AFAP1L2: variants seen among roughly 807,000 people sequenced by gnomAD.
AFAP1L2 encodes actin filament-associated protein 1-like 2.
Under a neutral mutation model 99.3 loss-of-function variants are expected in AFAP1L2, and 46 were observed. The observed-to-expected ratio is 0.46, with a 90% confidence interval of 0.37 to 0.59. The LOEUF (loss-of-function observed/expected upper bound fraction) is 0.59, where lower values mean the gene tolerates loss of function less well. Ranked by LOEUF, AFAP1L2 falls within the 20% of genes least tolerant of loss-of-function variation. The probability of loss-of-function intolerance (pLI) is 0.00; values close to 1 mark genes in which losing one functional copy is unlikely to be tolerated. For missense variants in AFAP1L2, 959 were observed against 1,034.9 expected (o/e 0.93, Z 1.01); for synonymous variants, 397 against 419.1 (o/e 0.95, Z 0.64).
intron 4 of AFAP1L2, among the ~76,000 whole-genome samples, chr10:114,327,800 A>G (rs1471156025): frequency 6.6e-6 from 1 of 152,256 alleles, no homozygotes; most frequent in Non-Finnish European, 1.5e-5. Flanking sequence ...GGCTTAGACT[A>G]GACACAAGAG....
intron 12 of AFAP1L2, 85 bp from the exon 13 acceptor site, chr10:114,301,550 T>C (rs2041196704): frequency 9.8e-7 from 1 of 1,015,454 alleles, no homozygotes; most frequent in African/African-American, 1.6e-5. Flanking sequence ...CAGTGAGGAG[T>C]GGTTGCCGTG....
intron 1 of AFAP1L2, among the ~76,000 whole-genome samples, chr10:114,350,325 C>G (rs2050270615): frequency 6.6e-6 from 1 of 152,214 alleles, no homozygotes; most frequent in Non-Finnish European, 1.5e-5. Context: ...ATTCAGCCGT[C>G]TTTATTGTTC....
intron 14 of AFAP1L2, 22 bp downstream of exon 14, chr10:114,300,423 G>C (rs781023147): frequency 6.0e-6 from 9 of 1,493,344 alleles, no homozygotes; most frequent in Middle Eastern, 1.7e-4. Context: ...TGGTCTTGCT[G>C]TCCTGCAGGG....
chr10:114,309,988 C>T (rs1055938882), intron 8 of AFAP1L2, among the ~76,000 whole-genome samples: 3 of 152,148 alleles, frequency 2.0e-5, no homozygotes, highest in African/African-American at 7.2e-5. Flanking sequence ...AGTGCACTGG[C>T]GCTATCTCAG....
At chr10:114,387,697 G>A (rs928848065) in intron 1 of AFAP1L2, among the ~76,000 whole-genome samples, 1 of 152,190 alleles carries the variant, frequency 6.6e-6, no homozygotes, top group Non-Finnish European at 1.5e-5. Context: ...GTCCAAGCCT[G>A]ATATGAACCC....
chr10:114,330,389 C>A (rs112046669), intron 4 of AFAP1L2, among the ~76,000 whole-genome samples: 4 of 152,318 alleles, frequency 2.6e-5, no homozygotes, highest in African/African-American at 9.6e-5. Flanking sequence ...CCCAGTCCTG[C>A]CCCAGGATCC....
chr10:114,358,567 AAATAAC>A (rs962741436), intron 1 of AFAP1L2, among the ~76,000 whole-genome samples: 2 of 152,130 alleles, frequency 1.3e-5, no homozygotes, highest in African/African-American at 4.8e-5. Flanking sequence ...TTTCAATGAC[AAATAAC>A]AATAACAATA....
chr10:114,311,600 T>C (rs1228771773), intron 7 of AFAP1L2, among the ~76,000 whole-genome samples: 1 of 152,162 alleles, frequency 6.6e-6, no homozygotes, highest in Non-Finnish European at 1.5e-5. Flanking sequence ...TGTGAGCGCT[T>C]GTATGTCAAG....
intron 1 of AFAP1L2, among the ~76,000 whole-genome samples, chr10:114,357,887 TAA>T (rs775628030): frequency 6.6e-6 from 1 of 152,200 alleles, no homozygotes; most frequent in Non-Finnish European, 1.5e-5. Context: ...TGCAGTGTGT[TAA>T]GTTTCTTTTG....
chr10:114,396,462 C>G (rs2057728869), intron 1 of AFAP1L2, among the ~76,000 whole-genome samples: 1 of 152,198 alleles, frequency 6.6e-6, no homozygotes. Context: ...GAAGGCTTCT[C>G]CTTGTCTAGA....
chr10:114,292,405 TAC>T (rs776431532), downstream of AFAP1L2, among the ~76,000 whole-genome samples: 7 of 152,204 alleles, frequency 4.6e-5, no homozygotes, highest in African/African-American at 9.6e-5. Flanking sequence ...TAAAGAAACT[TAC>T]AGAGATTTTG....
At chr10:114,297,438 C>T in intron 16 of AFAP1L2, 25 bp from the exon 17 acceptor site, 2 of 1,605,276 alleles carry the variant, frequency 1.2e-6, no homozygotes, top group Non-Finnish European at 1.7e-6. Flanking sequence ...ATGCAGGTGT[C>T]AGAGAACAGC....
intron 4 of AFAP1L2, among the ~76,000 whole-genome samples, chr10:114,331,127 C>T (rs1326518653): frequency 6.6e-6 from 1 of 152,054 alleles, no homozygotes; most frequent in Admixed American, 6.5e-5. Context: ...GATCATAGGC[C>T]CTGAGGCCAT....
At chr10:114,371,957 T>G (rs1220054784) in intron 1 of AFAP1L2, among the ~76,000 whole-genome samples, 1 of 152,054 alleles carries the variant, frequency 6.6e-6, no homozygotes, top group Non-Finnish European at 1.5e-5. Context: ...CTTCTATATT[T>G]TATCAAGGAA....
At chr10:114,363,115 C>T (rs1271634622) in intron 1 of AFAP1L2, 2 of 985,332 alleles carry the variant, frequency 2.0e-6, no homozygotes, top group Non-Finnish European at 2.4e-6. Flanking sequence ...CACTGGGCGT[C>T]GTCATCTTGC....
At chr10:114,391,190 A>G (rs2057104580) in intron 1 of AFAP1L2, among the ~76,000 whole-genome samples, 1 of 151,952 alleles carries the variant, frequency 6.6e-6, no homozygotes, top group South Asian at 2.1e-4. Flanking sequence ...GACAGCAAAC[A>G]TTTCTCATTC....
chr10:114,365,956 A>G (rs2053182062), intron 1 of AFAP1L2, among the ~76,000 whole-genome samples: 1 of 151,920 alleles, frequency 6.6e-6, no homozygotes, highest in South Asian at 2.1e-4. Context: ...GGCTAGTCTC[A>G]AACTCCAGGC....
At chr10:114,289,194 A>G in the AFAP1L2 span, 2 of 1,613,506 alleles carry the variant, frequency 1.2e-6, no homozygotes, top group Non-Finnish European at 1.7e-6. Context: ...GGGTGGGCTC[A>G]GCCGGCACCG....
At position 114,295,145 on chromosome 10, in the gene AFAP1L2, A is replaced by G. The variant is rs2040004705; in HGVS notation, c.*897T>C. On this transcript the variant is annotated 3_prime_UTR_variant, in exon 19 of 19. Transcript: ENST00000304129. Reference sequence around the variant, plus strand: ...CTTTGTTCTTGGAAGGAGAATGAACATTAAACAGAACTTAAAATCAGAGAC... The same window carrying G: ...CTTTGTTCTTGGAAGGAGAATGAACGTTAAACAGAACTTAAAATCAGAGAC... 1 of 985,738 alleles carries G rather than the reference A, an allele frequency of 1.0e-6. No homozygotes were observed. Among genetic ancestry groups the G allele is most frequent in the African/African-American group, 1.7e-5 (1 of 57,252 alleles). The allele number at this position is 985,738 out of a possible 1,614,324, so 61.1% of individuals were successfully genotyped here.
Sources: allele counts gnomAD v4.1 joint callset (sites outside exome capture counted in the v4.1 genomes callset), GRCh38; gene constraint gnomAD v4.1.1; transcripts MANE v1.5; gene names NCBI Gene and HGNC (gene_info 2026-07-23, HGNC 2026-07-21).